The following PCNP variants were observed in gnomAD, a reference collection of about 807,000 sequenced individuals.
The protein encoded by PCNP is PEST proteolytic signal containing nuclear protein, also known as PEST proteolytic signal-containing nuclear protein.
In PCNP, 6 loss-of-function variants were observed where a neutral mutation model predicts 21.8. That is an observed-to-expected ratio of 0.28 (90% CI 0.15 to 0.54). The LOEUF (loss-of-function observed/expected upper bound fraction) is 0.54. PCNP is among the 20% of genes least tolerant of loss of function. The pLI, the probability that PCNP is intolerant of heterozygous loss-of-function variation, is 0.95. For missense variants in PCNP, 161 were observed against 215.5 expected, an observed-to-expected ratio of 0.75 and a Z score of 1.58; for synonymous variants, 67 against 73.2, an observed-to-expected ratio of 0.92 and a Z score of 0.43.
intron 1 of PCNP, chr3:101,576,907 C>G: frequency 6.2e-7 from 1 of 1,600,634 alleles, no homozygotes. Flanking sequence ...GTTGAGTACT[C>G]GCAAAATATG....
Position 101,590,149 on chromosome 3 carries a change from T to A in PCNP, c.355-66T>A. On this transcript the variant is annotated intron_variant, in intron 3 of 4. Transcript: ENST00000265260. The stretch of plus-strand genomic sequence containing the variant: ...AAAGACTTAGATATAAAATTTAGCG[T>A]ATTAGTAATCAGGAATTGAATAAGT... 3 of 833,052 alleles carry A rather than the reference T, an allele frequency of 3.6e-6. No homozygotes were observed. The South Asian group carries it at 4.4e-5, about 12-fold the overall frequency. The allele number at this position is 833,052 out of a possible 1,614,324, so 51.6% of individuals were successfully genotyped here.
chr3:101,579,905 C>G lies in PCNP; in HGVS notation c.180C>G (p.Asp60Glu). ...EKRSAEEEAADLPTKPTKISK... is the reference protein window; with the variant it reads ...EKRSAEEEAAELPTKPTKISK... ...GATCAGCTGAAGAAGAAGCTGCCGA[C>G]CTCCCAACAAAGCCTACAAAGATCT... The change falls in exon 2 of 5, where the codon GAC becomes GAG. Residue 60 changes from aspartate (D) to glutamate (E), a missense_variant. Physicochemically the swap from Asp to Glu is conservative, Grantham distance 45. Around this residue, in one of 4 missense-constraint regions of PCNP, gnomAD observed 46 missense variants for 39.3 expected, o/e 1.17. Coordinates refer to ENST00000265260, the MANE Select transcript of PCNP (RefSeq NM_020357.3). 1 of 1,614,010 alleles carries G rather than the reference C, an allele frequency of 6.2e-7. No individual in the cohort carries two copies. The highest frequency in any genetic ancestry group is 1.7e-5 in the Admixed American group (1 of 60,018).
chr3:101,579,700 T>TC, intron 1 of PCNP, 90 bp from the exon 2 acceptor site: 1 of 877,988 alleles, frequency 1.1e-6, no homozygotes, highest in Non-Finnish European at 2.0e-6. Flanking sequence ...AGAGGTATCT[T>TC]CCTTATAACG....
At position 101,576,489 on chromosome 3, in the gene PCNP, T is replaced by A. The variant is rs145409613; in HGVS notation, c.64+2210T>A. ...TTATTAACAGACAAGGCCTACAGAC[T>A]TATTTCTTCTTGGACACACCCACGG... On this transcript the variant is annotated intron_variant, in intron 1 of 4. Transcript: ENST00000265260. 7 of 1,590,358 alleles carry A rather than the reference T, an allele frequency of 4.4e-6. No homozygotes were observed. The African/African-American group carries it at 8.0e-5, about 18-fold the overall frequency.
chr3:101,575,712 T>G (rs914046100), intron 1 of PCNP, among the ~76,000 whole-genome samples: 6 of 152,226 alleles, frequency 3.9e-5, no homozygotes, highest in African/African-American at 1.4e-4. Context: ...TCGTTAACTG[T>G]CTTGACCGAG....
intron 3 of PCNP, among the ~76,000 whole-genome samples, chr3:101,588,437 A>C (rs975661710): frequency 1.3e-5 from 2 of 151,860 alleles, no homozygotes; most frequent in African/African-American, 4.9e-5. Context: ...TTCTCCTATA[A>C]TATAACAGTA....
intron 2 of PCNP, among the ~76,000 whole-genome samples, chr3:101,581,824 T>G (rs1201147637): frequency 6.6e-6 from 1 of 151,998 alleles, no homozygotes; most frequent in Non-Finnish European, 1.5e-5. Context: ...CACTGCAACC[T>G]CTGACTCTGG....
At position 101,574,272 on chromosome 3, in the gene PCNP, C is replaced by T. The variant is rs1934734744; in HGVS notation, c.57C>T (p.Ala19=). ...CTGAAAAGTCGCAGCGAGCTGGAGC[C>T]GCCGGAGGTGAACACAACCCCAGCG... is the stretch of plus-strand genomic sequence containing the variant. ...EKPEKSQRAG[A]AGGPEEEAEK... is the part of the protein sequence containing the mutation. Residue 19 remains alanine, a synonymous_variant, in exon 1 of 5, where the codon GCC becomes GCT. Coordinates refer to ENST00000265260, the MANE Select transcript of PCNP (RefSeq NM_020357.3). The T allele has an allele frequency of 5.8e-6, 9 of 1,543,506 alleles. No homozygotes were observed. Among genetic ancestry groups the T allele is most frequent in the Non-Finnish European group, 7.9e-6 (9 of 1,142,688 alleles).
At chr3:101,590,368 A>C in intron 4 of PCNP, 98 bp downstream of exon 4, 1 of 686,614 alleles carries the variant, frequency 1.5e-6, no homozygotes, top group South Asian at 1.7e-5. Context: ...TTTCTTGTGC[A>C]TTTGGGCAGA....
At chr3:101,588,054 C>A (rs571206337) in intron 3 of PCNP, among the ~76,000 whole-genome samples, 1 of 152,094 alleles carries the variant, frequency 6.6e-6, no homozygotes, top group South Asian at 2.1e-4. Context: ...GGGTGGATCA[C>A]GAGGTCAGGA....
chr3:101,580,449 C>G (rs556392727), intron 2 of PCNP, among the ~76,000 whole-genome samples: 286 of 151,598 alleles, frequency 1.9e-3, no homozygotes, highest in African/African-American at 6.8e-3. Context: ...CTAAGTTGAG[C>G]AAGTCCTCTG....
rs1230155176 is a variant in PCNP, at chr3:101,592,298, CAAGTAGCTGGGACTA to C, written c.411-328_411-314del. Among the ~76,000 whole-genome samples the C allele has an allele frequency of 2.0e-5, 3 of 152,152 alleles. No homozygotes were observed. In the East Asian group the frequency reaches 5.8e-4, roughly 29 times the overall value. The stretch of plus-strand genomic sequence containing the variant: ...AAGCAGTTGTCCTGCCTCAGCCTCC[CAAGTAGCTGGGACTA>C]CAGGCATGGACCACCATGCCTGGCT... On this transcript the variant is annotated intron_variant, in intron 4 of 4. Transcript: ENST00000265260.
At chr3:101,588,940 A>G (rs569275994) in intron 3 of PCNP, among the ~76,000 whole-genome samples, 19 of 152,338 alleles carry the variant, frequency 1.2e-4, no homozygotes, top group Middle Eastern at 3.4e-3. Context: ...TCAAATTACT[A>G]TTCTACCTTT....
chr3:101,589,619 C>A (rs2108291341), intron 3 of PCNP: 1 of 152,680 alleles, frequency 6.5e-6, no homozygotes, highest in Non-Finnish European at 1.5e-5. Flanking sequence ...ACCATGTTGG[C>A]CAGGCTGGTC....
intron 1 of PCNP, among the ~76,000 whole-genome samples, chr3:101,579,386 A>T (rs1935108022): frequency 6.6e-6 from 1 of 152,176 alleles, no homozygotes; most frequent in Non-Finnish European, 1.5e-5. Context: ...ATTAAAATTT[A>T]TTAGCCAAGT....
chr3:101,586,571 T>TGTGTGTGTGTGTGTGTGTGTGA, intron 3 of PCNP, among the ~76,000 whole-genome samples: 4 of 114,140 alleles, frequency 3.5e-5, no homozygotes, highest in African/African-American at 9.1e-5. Flanking sequence ...TGTGTGTGTG[T>TGTGTGTGTGTGTGTGTGTGTGA]GAGAGAGAGA....
chr3:101,586,571 T>TGTGTGTGTGTGTGTGTGTGTGTGTGA, intron 3 of PCNP, among the ~76,000 whole-genome samples: 4 of 114,202 alleles, frequency 3.5e-5, no homozygotes, highest in African/African-American at 1.2e-4. Context: ...TGTGTGTGTG[T>TGTGTGTGTGTGTGTGTGTGTGTGTGA]GAGAGAGAGA....
chr3:101,592,984 C>T lies in PCNP; in HGVS notation c.*231C>T. ...TTTGTAGTTTCATGTGATTAGTTTCCAAAGGTTACAGATAATAAAGAAATC... is the reference window on the plus strand; with the variant it reads ...TTTGTAGTTTCATGTGATTAGTTTCTAAAGGTTACAGATAATAAAGAAATC... On this transcript the variant is annotated 3_prime_UTR_variant, in exon 5 of 5. Coordinates refer to ENST00000265260, the MANE Select transcript of PCNP (RefSeq NM_020357.3). 1 of 305,406 alleles carries T rather than the reference C, an allele frequency of 3.3e-6. No homozygotes were observed. Among genetic ancestry groups the T allele is most frequent in the East Asian group, 5.8e-5 (1 of 17,366 alleles). 18.9% of individuals were successfully genotyped at this position (305,406 alleles called of 1,614,324 possible). A position where few individuals can be genotyped will look rare whatever the true frequency, so the allele number is the denominator to read the frequency against.
At chr3:101,578,473 A>G (rs1324601697) in intron 1 of PCNP, among the ~76,000 whole-genome samples, 1 of 152,250 alleles carries the variant, frequency 6.6e-6, no homozygotes, top group Non-Finnish European at 1.5e-5. Context: ...TGGCACCTCA[A>G]GCAGCCATTT....
Sources: allele counts gnomAD v4.1 joint callset (sites outside exome capture counted in the v4.1 genomes callset), GRCh38; gene constraint gnomAD v4.1.1; regional missense constraint gnomAD v4.1.1; transcripts MANE v1.5; gene names NCBI Gene and HGNC (gene_info 2026-07-23, HGNC 2026-07-21).